WDR3: variants seen among roughly 807,000 people sequenced by gnomAD.
WDR3 encodes WD repeat domain 3, also known as WD repeat-containing protein 3.
A neutral mutation model predicts 123.7 loss-of-function variants in WDR3; 81 were observed. The ratio of observed to expected loss-of-function variants is 0.65; its 90% CI spans 0.55 to 0.79. The LOEUF (loss-of-function observed/expected upper bound fraction) is 0.79. Among genes scored for constraint, WDR3 ranks in the 30% least tolerant of loss-of-function variants. The pLI is 0.00. For missense variants in WDR3, 1,027 were observed against 1,123.2 expected (o/e 0.91, Z 1.22); for synonymous variants, 390 against 388.8 (o/e 1.00, Z -0.04).
chr1:117,938,527 G>A lies in WDR3; in HGVS notation c.548G>A (p.Cys183Tyr), dbSNP rs771367824. 7.4e-6 allele frequency: 12 copies of A among 1,613,210 alleles called. No homozygotes were observed. The highest frequency in any genetic ancestry group is 1.3e-5 in the African/African-American group (1 of 74,896). ...TGGTGGGACCTTGATACTCAGCACT[G>A]CTTTAAAACAATGGTTGGCCACCGG... is the stretch of plus-strand genomic sequence containing the variant. ...VKWWDLDTQH[C>Y]FKTMVGHRTE... The change falls in exon 5 of 27, where the codon TGC becomes TAC. Residue 183 changes from cysteine to tyrosine, a missense_variant. Transcript: ENST00000349139.
chr1:117,935,742 G>A (rs1650920722), intron 3 of WDR3, among the ~76,000 whole-genome samples: 1 of 151,854 alleles, frequency 6.6e-6, no homozygotes, highest in South Asian at 2.1e-4. Flanking sequence ...CGATAGCAAG[G>A]TAGAAAAGGA....
chr1:117,946,857 C>T (rs144830183), intron 12 of WDR3, among the ~76,000 whole-genome samples: 6,515 of 146,648 alleles, frequency 0.044, 301 homozygotes, highest in South Asian at 0.12. Context: ...AGGAGAATGG[C>T]GTGAACCCGG....
At chr1:117,953,065 G>A in intron 20 of WDR3, 69 bp downstream of exon 20, 3 of 1,526,832 alleles carry the variant, frequency 2.0e-6, no homozygotes, top group South Asian at 2.4e-5. Context: ...TGACTATAAT[G>A]TCCAGAATTT....
intron 12 of WDR3, among the ~76,000 whole-genome samples, chr1:117,947,906 G>T (rs975782897): frequency 2.0e-5 from 3 of 152,028 alleles, no homozygotes; most frequent in Non-Finnish European, 4.4e-5. Context: ...TAAATTCACT[G>T]CCTTCCTTAG....
At chr1:117,939,982 C>G (rs1441171881) in intron 6 of WDR3, among the ~76,000 whole-genome samples, 1 of 152,190 alleles carries the variant, frequency 6.6e-6, no homozygotes, top group Non-Finnish European at 1.5e-5. Flanking sequence ...AGAAGAAAAG[C>G]TTGCAGACCT....
chr1:117,958,224 C>G (rs1188221372), intron 25 of WDR3, among the ~76,000 whole-genome samples: 1 of 152,182 alleles, frequency 6.6e-6, no homozygotes, highest in African/African-American at 2.4e-5. Flanking sequence ...CTTAACCCTC[C>G]ATTTCTTATA....
At chr1:117,952,694 C>T in intron 19 of WDR3, 32 bp downstream of exon 19, 1 of 1,606,612 alleles carries the variant, frequency 6.2e-7, no homozygotes, top group Non-Finnish European at 8.5e-7. Flanking sequence ...ACAAATATGC[C>T]AGTAGGTATC....
chr1:117,946,211 T>A, intron 12 of WDR3, 32 bp downstream of exon 12: 1 of 1,540,848 alleles, frequency 6.5e-7, no homozygotes, highest in South Asian at 1.2e-5. Context: ...GATATCTGGA[T>A]CTTTTCTACT....
chr1:117,948,314 G>A (rs1190472045), intron 12 of WDR3, 91 bp from the exon 13 acceptor site: 10 of 1,052,108 alleles, frequency 9.5e-6, no homozygotes, highest in African/African-American at 1.6e-5. Flanking sequence ...TTTGCAGCTT[G>A]GTTATGAAGT....
In WDR3 at chr1:117,938,543, T is replaced by C. The variant is rs143124637; in HGVS notation, c.564T>C (p.Val188=). Residue 188 remains valine, a synonymous_variant, in exon 5 of 27, where the codon GTT becomes GTC. Coordinates refer to ENST00000349139, the MANE Select transcript of WDR3 (RefSeq NM_006784.3). ...LDTQHCFKTM[V]GHRTEVWGLV... is the part of the protein sequence containing the mutation. ...CTCAGCACTGCTTTAAAACAATGGT[T>C]GGCCACCGGACTGAGGTAAGTGTAG... is the stretch of plus-strand genomic sequence containing the variant. The C allele has an allele frequency of 6.2e-7, 1 of 1,613,198 alleles. No individual in the cohort carries two copies. Among genetic ancestry groups the C allele is most frequent in the African/African-American group, 1.3e-5 (1 of 74,910 alleles).
chr1:117,954,681 G>A, intron 23 of WDR3, 54 bp downstream of exon 23: 1 of 1,548,830 alleles, frequency 6.5e-7, no homozygotes, highest in Non-Finnish European at 8.8e-7. Flanking sequence ...TACTTACAAG[G>A]ACAAGAAAGG....
chr1:117,946,151 G>C lies in WDR3; in HGVS notation c.1394G>C (p.Gly465Ala). 11 of 1,612,040 alleles carry C rather than the reference G, an allele frequency of 6.8e-6. No homozygotes were observed. The highest frequency in any genetic ancestry group is 9.3e-6 in the Non-Finnish European group (11 of 1,178,724). ...GCACTTTGCTCATTCTTTGTACCTGGTGATAGACAGGTAGTCATAGGAACA... is the reference window on the plus strand; with the variant it reads ...GCACTTTGCTCATTCTTTGTACCTGCTGATAGACAGGTAGTCATAGGAACA... ...EYALCSFFVP[G>A]DRQVVIGTKT... The change falls in exon 12 of 27, where the codon GGT becomes GCT. Residue 465 changes from glycine (G) to alanine (A), a missense_variant. Physicochemically the swap from Gly to Ala is moderately conservative, Grantham distance 60 (BLOSUM62 0). Coordinates refer to ENST00000349139, the MANE Select transcript of WDR3 (RefSeq NM_006784.3).
chr1:117,932,933 A>G (rs1038400517), intron 1 of WDR3, among the ~76,000 whole-genome samples: 2 of 151,624 alleles, frequency 1.3e-5, no homozygotes, highest in East Asian at 3.9e-4. Flanking sequence ...AGTGGCTAAC[A>G]CCTGTAATCC....
chr1:117,958,932 A>G lies in WDR3; in HGVS notation c.2605A>G (p.Ser869Gly). The change falls in exon 26 of 27, where the codon AGC becomes GGC. Residue 869 changes from serine (S) to glycine (G), a missense_variant. Transcript: ENST00000349139. ...LLRIHFGQIT[S>G]NQMLVPVIEK... is the part of the protein sequence containing the mutation. Reference sequence around the variant, plus strand: ...CAGGATTCACTTTGGACAGATCACTAGCAATCAAATGCTTGTGCCAGTGAT... The same window carrying G: ...CAGGATTCACTTTGGACAGATCACTGGCAATCAAATGCTTGTGCCAGTGAT... 6.2e-7 allele frequency: 1 copy of G among 1,614,056 alleles called. No homozygotes were observed. Among genetic ancestry groups the G allele is most frequent in the Non-Finnish European group, 8.5e-7 (1 of 1,179,948 alleles).
At position 117,941,714 on chromosome 1, in the gene WDR3, C is replaced by G. The variant is rs370793677; in HGVS notation, c.892-36C>G. 64 of 1,585,582 alleles carry G rather than the reference C, an allele frequency of 4.0e-5. 1 individual carries two copies. The highest frequency in any genetic ancestry group is 5.9e-5 in the Admixed American group (3 of 50,832). The stretch of plus-strand genomic sequence containing the variant: ...GAGAATTAGGTAAATTACAAATTAC[C>G]TCTCCTTGACTCACATTAACCTTTT... On this transcript the variant is annotated intron_variant, in intron 8 of 26. Coordinates refer to ENST00000349139, the MANE Select transcript of WDR3 (RefSeq NM_006784.3).
chr1:117,939,399 C>A, intron 5 of WDR3, 78 bp from the exon 6 acceptor site: 1 of 1,456,958 alleles, frequency 6.9e-7, no homozygotes, highest in Non-Finnish European at 9.6e-7. Context: ...TACGGTGTAA[C>A]AGACTTTTGG....
At chr1:117,942,889 G>GTTTTTTTT (rs751258995) in intron 10 of WDR3, among the ~76,000 whole-genome samples, 2 of 116,756 alleles carry the variant, frequency 1.7e-5, no homozygotes, top group African/African-American at 3.1e-5. Flanking sequence ...TCTGAGCCTA[G>GTTTTTTTT]TTTTTTTTTT....
chr1:117,945,107 C>T (rs1229534285), intron 11 of WDR3, among the ~76,000 whole-genome samples: 1 of 152,184 alleles, frequency 6.6e-6, no homozygotes, highest in Non-Finnish European at 1.5e-5. Context: ...TGCCACTACC[C>T]CATTCAAACC....
intron 24 of WDR3, 46 bp downstream of exon 24, chr1:117,955,404 T>C: frequency 6.4e-7 from 1 of 1,556,206 alleles, no homozygotes; most frequent in Non-Finnish European, 8.9e-7. Context: ...TCAGCAAACA[T>C]TTATGAAGTG....
Sources: gnomAD v4.1 joint callset for allele counts (sites outside exome capture counted in the v4.1 genomes callset) on GRCh38, gnomAD v4.1.1 for gene constraint, MANE v1.5 for transcripts, NCBI Gene and HGNC (gene_info 2026-07-23, HGNC 2026-07-21) for gene names.